EYS: variants seen among roughly 807,000 people sequenced by gnomAD.
The protein encoded by EYS is protein eyes shut homolog.
EYS carries 250 observed loss-of-function variants against 282.1 expected under a neutral mutation model. The ratio of observed to expected loss-of-function variants is 0.89; its 90% CI spans 0.80 to 0.98. The LOEUF is 0.98. Among genes scored for constraint, EYS ranks in the 50% least tolerant of loss-of-function variants. The pLI, the probability that EYS is intolerant of heterozygous loss-of-function variation, is 0.00. For synonymous variants in EYS, 1,355 were observed against 1,282.9 expected, an observed-to-expected ratio of 1.06 and a Z score of -1.20; for missense variants, 4,016 against 3,709.0, an observed-to-expected ratio of 1.08 and a Z score of -2.15.
intron 31 of EYS, among the ~76,000 whole-genome samples, chr6:64,164,023 C>G (rs1253255213): frequency 6.6e-6 from 1 of 152,044 alleles, no homozygotes; most frequent in Non-Finnish European, 1.5e-5. Flanking sequence ...TGTGTTACTC[C>G]TAGGTGTTGA....
intron 22 of EYS, among the ~76,000 whole-genome samples, chr6:64,735,345 A>G (rs1276363006): frequency 6.6e-6 from 1 of 152,108 alleles, no homozygotes; most frequent in African/African-American, 2.4e-5. Flanking sequence ...GGCCTCCAAG[A>G]GTGCTGGGAT....
At chr6:65,041,151 CAG>C (rs2150149180) in intron 13 of EYS, among the ~76,000 whole-genome samples, 1 of 151,632 alleles carries the variant, frequency 6.6e-6, no homozygotes, top group Non-Finnish European at 1.5e-5. Context: ...TAAGCAGAGA[CAG>C]AAATACTACA....
At chr6:65,663,878 T>C (rs1768103858) in intron 1 of EYS, among the ~76,000 whole-genome samples, 1 of 141,650 alleles carries the variant, frequency 7.1e-6, no homozygotes, top group African/African-American at 2.6e-5. Flanking sequence ...TTTTTTTTTT[T>C]TTTTTTTTTT....
intron 32 of EYS, among the ~76,000 whole-genome samples, chr6:64,074,143 C>T (rs758046498): frequency 2.6e-5 from 4 of 151,456 alleles, no homozygotes; most frequent in African/African-American, 4.8e-5. Flanking sequence ...CTCTAGTTCT[C>T]AAATTTTGTT....
intron 12 of EYS, among the ~76,000 whole-genome samples, chr6:65,210,030 A>C (rs1348230721): frequency 5.9e-5 from 9 of 152,026 alleles, no homozygotes; most frequent in Admixed American, 5.9e-4. Flanking sequence ...CTTTGTACAG[A>C]GACTGTAGTT....
At chr6:65,392,487 C>G (rs1240912392) in intron 7 of EYS, among the ~76,000 whole-genome samples, 1 of 152,110 alleles carries the variant, frequency 6.6e-6, no homozygotes, top group Non-Finnish European at 1.5e-5. Flanking sequence ...AAACAACAAA[C>G]AACCCCATCA....
chr6:64,751,592 C>T (rs1455966171), intron 22 of EYS, among the ~76,000 whole-genome samples: 1 of 152,204 alleles, frequency 6.6e-6, no homozygotes, highest in African/African-American at 2.4e-5. Context: ...CAGACTAGCC[C>T]ATTGCCTGAG....
intron 26 of EYS, among the ~76,000 whole-genome samples, chr6:64,537,747 G>A (rs1582868250): frequency 6.6e-6 from 1 of 151,972 alleles, no homozygotes; most frequent in South Asian, 2.1e-4. Context: ...TTCATTTCTT[G>A]TTCTTAACCC....
At chr6:65,482,564 C>G (rs1300235567) in intron 5 of EYS, among the ~76,000 whole-genome samples, 1 of 152,132 alleles carries the variant, frequency 6.6e-6, no homozygotes, top group Non-Finnish European at 1.5e-5. Context: ...TTTCCATGAG[C>G]AAAATTCTAT....
intron 15 of EYS, among the ~76,000 whole-genome samples, chr6:64,928,810 A>G (rs1217021672): frequency 6.6e-6 from 1 of 152,120 alleles, no homozygotes; most frequent in Non-Finnish European, 1.5e-5. Context: ...TAATGAGATA[A>G]CCTAATACGG....
chr6:64,098,639 C>T (rs374325116), intron 31 of EYS, among the ~76,000 whole-genome samples: 10 of 147,490 alleles, frequency 6.8e-5, no homozygotes, highest in South Asian at 2.1e-4. Context: ...CTTGCTCTGT[C>T]GCCCAGGCTG....
intron 22 of EYS, among the ~76,000 whole-genome samples, chr6:64,657,157 T>C (rs991265320): frequency 7.2e-5 from 11 of 152,188 alleles, no homozygotes; most frequent in Non-Finnish European, 1.5e-4. Context: ...GTCTGTTTTA[T>C]CAGAGACTAG....
intron 36 of EYS, among the ~76,000 whole-genome samples, chr6:63,834,811 A>G (rs1188422066): frequency 6.6e-6 from 1 of 151,996 alleles, no homozygotes; most frequent in East Asian, 1.9e-4. Flanking sequence ...CCAAATGTCC[A>G]TCAATGATAG....
chr6:64,691,160 A>G lies in EYS; in HGVS notation c.3444-64915T>C, dbSNP rs535298041. Among the ~76,000 whole-genome samples, 23 of 152,276 alleles carry G rather than the reference A, an allele frequency of 1.5e-4. No individual in the cohort carries two copies. In the East Asian group the frequency reaches 4.1e-3, roughly 27 times the overall value. Reference sequence around the variant, plus strand: ...TAAAAATAAACTATTTCAGTCTAATAAAGGGCAATGATTAAAAAGTACGCA... The same window carrying G: ...TAAAAATAAACTATTTCAGTCTAATGAAGGGCAATGATTAAAAAGTACGCA... On this transcript the variant is annotated intron_variant, in intron 22 of 42. Coordinates refer to ENST00000503581, the MANE Select transcript of EYS (RefSeq NM_001142800.2).
intron 14 of EYS, among the ~76,000 whole-genome samples, chr6:64,965,046 A>G: frequency 6.6e-6 from 1 of 152,262 alleles, no homozygotes. Flanking sequence ...AAATAAAAAG[A>G]AATTAATTTT....
intron 33 of EYS, among the ~76,000 whole-genome samples, chr6:64,008,322 C>T (rs975514329): frequency 1.3e-5 from 2 of 152,006 alleles, no homozygotes; most frequent in Non-Finnish European, 2.9e-5. Context: ...TTTCTGTTTG[C>T]TTAGTAGATT....
At chr6:65,033,079 A>G (rs1441011933) in intron 13 of EYS, among the ~76,000 whole-genome samples, 1 of 152,190 alleles carries the variant, frequency 6.6e-6, no homozygotes, top group East Asian at 1.9e-4. Flanking sequence ...TATGAAATCA[A>G]GAGTGATAAT....
intron 14 of EYS, among the ~76,000 whole-genome samples, chr6:64,962,224 T>A (rs1393323407): frequency 2.0e-5 from 3 of 152,114 alleles, no homozygotes; most frequent in African/African-American, 7.2e-5. Flanking sequence ...AACACCATCA[T>A]AAGGGGGTTT....
At chr6:64,340,685 A>G (rs1013952236) in intron 29 of EYS, among the ~76,000 whole-genome samples, 16 of 151,884 alleles carry the variant, frequency 1.1e-4, no homozygotes, top group African/African-American at 3.6e-4. Flanking sequence ...CAAGTCCCCA[A>G]AAGCAATTGC....
Sources: gnomAD v4.1 joint callset for allele counts (sites outside exome capture counted in the v4.1 genomes callset) on GRCh38, gnomAD v4.1.1 for gene constraint, MANE v1.5 for transcripts, NCBI Gene and HGNC (gene_info 2026-07-23, HGNC 2026-07-21) for gene names.